Variants in STK10 observed in about 807,000 individuals in gnomAD.
The protein encoded by STK10 is serine/threonine kinase 10, also known as serine/threonine-protein kinase 10.
A neutral mutation model predicts 113.8 loss-of-function variants in STK10; 78 were observed. The ratio of observed to expected loss-of-function variants is 0.69; its 90% CI spans 0.57 to 0.83. The LOEUF is 0.83. Ranked by LOEUF, STK10 falls within the 40% of genes least tolerant of loss-of-function variation. The probability of loss-of-function intolerance (pLI) is 0.00; values close to 1 mark genes in which losing one functional copy is unlikely to be tolerated. For synonymous variants in STK10, 465 were observed against 494.7 expected (o/e 0.94, Z 0.80); for missense variants, 1,109 against 1,280.1 (o/e 0.87, Z 2.04).
intron 1 of STK10, among the ~76,000 whole-genome samples, chr5:172,181,457 C>A (rs1770852354): frequency 6.6e-6 from 1 of 151,566 alleles, no homozygotes; most frequent in Admixed American, 6.6e-5. Flanking sequence ...TAGCACAGTG[C>A]CTGGCATACG....
intron 2 of STK10, among the ~76,000 whole-genome samples, chr5:172,152,277 G>A (rs1174654017): frequency 6.6e-6 from 1 of 152,132 alleles, no homozygotes; most frequent in Non-Finnish European, 1.5e-5. Context: ...CTGATCAGGT[G>A]GACATATGTG....
chr5:172,096,609 G>T (rs1277861513), intron 7 of STK10, 49 bp from the exon 8 acceptor site: 5 of 1,600,668 alleles, frequency 3.1e-6, no homozygotes, highest in Non-Finnish European at 4.3e-6. Flanking sequence ...GGGTCACGGT[G>T]GGGTGGAAGA....
At chr5:172,130,648 G>T (rs1769734514) in intron 2 of STK10, among the ~76,000 whole-genome samples, 1 of 152,110 alleles carries the variant, frequency 6.6e-6, no homozygotes, top group South Asian at 2.1e-4. Flanking sequence ...GTAAACCTGG[G>T]GTCGAGTCCT....
In STK10 at chr5:172,120,769, G is replaced by A. The variant is rs1284826154; in HGVS notation, c.371-3139C>T. 6.6e-6 allele frequency among the ~76,000 whole-genome samples: 1 copy of A among 152,178 alleles called. No individual in the cohort carries two copies. Among genetic ancestry groups the A allele is most frequent in the African/African-American group, 2.4e-5 (1 of 41,440 alleles). On this transcript the variant is annotated intron_variant, in intron 3 of 18. Coordinates refer to ENST00000176763, the MANE Select transcript of STK10 (RefSeq NM_005990.4). The surrounding 1 kb of genome is among the most constrained non-coding windows in gnomAD (Gnocchi z 4.0). The stretch of plus-strand genomic sequence containing the variant: ...AGATGAGTCCAGGGCTGGAATATGT[G>A]CCGCAATCTTTTTAATGGCAAAAAT...
At chr5:172,138,032 T>C (rs6890392) in intron 2 of STK10, among the ~76,000 whole-genome samples, 30,823 of 152,062 alleles carry the variant, frequency 0.2, 3,254 homozygotes, top group Non-Finnish European at 0.25. Flanking sequence ...ACCACTCCTA[T>C]ACAACATAGC....
Position 172,133,646 on chromosome 5 carries a change from C to T in STK10, c.322-6225G>A, listed in dbSNP as rs141042671. Among the ~76,000 whole-genome samples, 7 of 152,280 alleles carry T rather than the reference C, an allele frequency of 4.6e-5. No homozygotes were observed. The highest frequency in any genetic ancestry group is 1.0e-4 in the Non-Finnish European group (7 of 68,034). On this transcript the variant is annotated intron_variant, in intron 2 of 18. Coordinates refer to ENST00000176763, the MANE Select transcript of STK10 (RefSeq NM_005990.4). The surrounding 1 kb of genome is among the most constrained non-coding windows in gnomAD (Gnocchi z 4.9). ...ATGGTTGCAGGAAACCATGTTGCAACCACGAGAGAAGTGGGTGTGAAGACA... is the reference window on the plus strand; with the variant it reads ...ATGGTTGCAGGAAACCATGTTGCAATCACGAGAGAAGTGGGTGTGAAGACA...
rs186128153 is a variant in STK10, at chr5:172,180,399, A to G, written c.156+7488T>C. Among the ~76,000 whole-genome samples, 1,346 of 152,326 alleles carry G rather than the reference A, an allele frequency of 8.8e-3. 17 individuals carry two copies. Among genetic ancestry groups the G allele is most frequent in the East Asian group, 0.056 (290 of 5,182 alleles). The stretch of plus-strand genomic sequence containing the variant: ...AGAATCACTTGAACCTGGGAGGCGG[A>G]GGTTGCAGTAAGCCGAGTTCGTGCC... On this transcript the variant is annotated intron_variant, in intron 1 of 18. Transcript: ENST00000176763.
At chr5:172,168,902 C>T (rs771977907) in intron 1 of STK10, among the ~76,000 whole-genome samples, 28 of 152,278 alleles carry the variant, frequency 1.8e-4, no homozygotes, top group Non-Finnish European at 3.4e-4. Context: ...TCAGGGTGAA[C>T]CCTCAAGGGC....
chr5:172,098,105 C>T (rs182173095), intron 7 of STK10, among the ~76,000 whole-genome samples: 89 of 152,192 alleles, frequency 5.8e-4, no homozygotes, highest in African/African-American at 2.1e-3. Flanking sequence ...ACAATTTATC[C>T]GGGGAGGAAG....
intron 1 of STK10, among the ~76,000 whole-genome samples, chr5:172,165,922 T>C (rs1004875379): frequency 2.0e-5 from 3 of 151,920 alleles, no homozygotes; most frequent in Non-Finnish European, 4.4e-5. Context: ...GCCTCCCGAG[T>C]AGCTGGGATT....
At chr5:172,140,824 A>G (rs932603196) in intron 2 of STK10, among the ~76,000 whole-genome samples, 3 of 152,262 alleles carry the variant, frequency 2.0e-5, no homozygotes, top group Non-Finnish European at 2.9e-5. Flanking sequence ...CCCCATGTTC[A>G]TCGCAGCACT....
intron 6 of STK10, 83 bp from the exon 7 acceptor site, chr5:172,105,820 A>G (rs919656687): frequency 8.1e-6 from 10 of 1,234,982 alleles, no homozygotes; most frequent in Middle Eastern, 1.9e-4. Context: ...CACTGTCCCA[A>G]TCATGCCCCT....
chr5:172,065,822 C>T (rs1768057096), intron 12 of STK10, among the ~76,000 whole-genome samples: 1 of 152,080 alleles, frequency 6.6e-6, no homozygotes, highest in Non-Finnish European at 1.5e-5. Flanking sequence ...AGGGGACTGC[C>T]TGAGATGAAC....
At chr5:172,091,858 C>T (rs752452963) in intron 9 of STK10, among the ~76,000 whole-genome samples, 4 of 152,176 alleles carry the variant, frequency 2.6e-5, no homozygotes, top group Non-Finnish European at 4.4e-5. Context: ...TGTAGCCCAG[C>T]CCTGCCTTCC....
At position 172,064,822 on chromosome 5, in the gene STK10, A is replaced by G; in HGVS notation, c.1990-10T>C. 6.2e-7 allele frequency: 1 copy of G among 1,614,018 alleles called. No homozygotes were observed. Among genetic ancestry groups the G allele is most frequent in the Non-Finnish European group, 8.5e-7 (1 of 1,180,010 alleles). ...CCACCTCGTTCTTCACCTGCAGCAG[A>G]GACAGCAGAGAGTAGCTGGGTCAGG... On this transcript the variant is annotated splice_polypyrimidine_tract_variant and intron_variant, in intron 12 of 18. Transcript: ENST00000176763.
rs183094717 is a variant in STK10 at position 172,098,808 on chromosome 5, C to T, written c.871-2248G>A. ...AGTTTGCTCATCTATATATTAGGAA[C>T]AGCTGTTATAAGCATTATGGTAAAT... On this transcript the variant is annotated intron_variant, in intron 7 of 18. Transcript: ENST00000176763. 5.9e-5 allele frequency among the ~76,000 whole-genome samples: 9 copies of T among 152,262 alleles called. No homozygotes were observed. The East Asian group carries it at 1.4e-3, about 23-fold the overall frequency.
chr5:172,068,442 G>A (rs1187952207), intron 12 of STK10, among the ~76,000 whole-genome samples: 1 of 152,150 alleles, frequency 6.6e-6, no homozygotes, highest in African/African-American at 2.4e-5. Flanking sequence ...GAAACTTTGT[G>A]GTCAGGAAGA....
chr5:172,111,178 C>T (rs1207624896), intron 4 of STK10, among the ~76,000 whole-genome samples: 1 of 152,044 alleles, frequency 6.6e-6, no homozygotes, highest in East Asian at 1.9e-4. Context: ...GCTGGCCCCA[C>T]CTTCCTGCTG....
chr5:172,123,469 CGAG>C (rs1371618577), intron 3 of STK10, among the ~76,000 whole-genome samples: 1 of 152,164 alleles, frequency 6.6e-6, no homozygotes, highest in Non-Finnish European at 1.5e-5. Flanking sequence ...TGAATGAGGT[CGAG>C]GACACAGTAC....
Sources: gnomAD v4.1 joint callset for allele counts (sites outside exome capture counted in the v4.1 genomes callset) on GRCh38, gnomAD v4.1.1 for gene constraint, Gnocchi (gnomAD v3.1) non-coding constraint, MANE v1.5 for transcripts, NCBI Gene and HGNC (gene_info 2026-07-23, HGNC 2026-07-21) for gene names.